Variants in LRRC4C observed in about 807,000 individuals in gnomAD.
LRRC4C encodes leucine rich repeat containing 4C, also known as leucine-rich repeat-containing protein 4C.
Under a neutral mutation model 33.6 loss-of-function variants are expected in LRRC4C, and 5 were observed. The ratio of observed to expected loss-of-function variants is 0.15; its 90% CI spans 0.08 to 0.31. The LOEUF (loss-of-function observed/expected upper bound fraction) is 0.31, where lower values mean the gene tolerates loss of function less well. LRRC4C is among the 10% of genes least tolerant of loss of function. The pLI, the probability that LRRC4C is intolerant of heterozygous loss-of-function variation, is 1.00. For missense variants in LRRC4C, 560 were observed against 796.7 expected (o/e 0.70, Z 3.58); for synonymous variants, 329 against 302.0 (o/e 1.09, Z -0.93).
At chr11:40,546,387 T>C (rs957160102) in intron 3 of LRRC4C, among the ~76,000 whole-genome samples, 6 of 152,068 alleles carry the variant, frequency 3.9e-5, no homozygotes, top group Non-Finnish European at 1.5e-5. Flanking sequence ...TCTGTATTAC[T>C]GTGGTCAAGT....
intron 2 of LRRC4C, among the ~76,000 whole-genome samples, chr11:40,684,451 C>A (rs949229810): frequency 2.0e-5 from 3 of 151,640 alleles, no homozygotes; most frequent in African/African-American, 7.3e-5. Context: ...GAGGTAAATG[C>A]ATAAAAGATA....
At chr11:40,829,310 T>C (rs1373945867) in intron 2 of LRRC4C, among the ~76,000 whole-genome samples, 1 of 151,994 alleles carries the variant, frequency 6.6e-6, no homozygotes, top group Non-Finnish European at 1.5e-5. Context: ...ATTGAAACAG[T>C]ATGGACACAT....
At chr11:40,679,737 G>T (rs754585402) in intron 2 of LRRC4C, among the ~76,000 whole-genome samples, 1 of 152,232 alleles carries the variant, frequency 6.6e-6, no homozygotes, top group Non-Finnish European at 1.5e-5. Flanking sequence ...TCAGATGTAT[G>T]AGGATGCCTG....
intron 3 of LRRC4C, among the ~76,000 whole-genome samples, chr11:40,507,871 C>T (rs1955115335): frequency 6.6e-6 from 1 of 151,794 alleles, no homozygotes; most frequent in East Asian, 1.9e-4. Flanking sequence ...TCCTGAGTAG[C>T]TGGGATTACA....
At chr11:40,686,720 G>A (rs910228665) in intron 2 of LRRC4C, among the ~76,000 whole-genome samples, 3 of 151,988 alleles carry the variant, frequency 2.0e-5, no homozygotes, top group Non-Finnish European at 4.4e-5. Flanking sequence ...CAAGAGCAGT[G>A]TTTCTCTAAT....
chr11:40,841,876 C>T (rs1160916039), intron 2 of LRRC4C, among the ~76,000 whole-genome samples: 1 of 152,180 alleles, frequency 6.6e-6, no homozygotes, highest in African/African-American at 2.4e-5. Flanking sequence ...CAACAGTTAA[C>T]TTAGGGCTTC....
At chr11:40,627,053 T>G (rs1047895703) in intron 3 of LRRC4C, among the ~76,000 whole-genome samples, 33 of 150,862 alleles carry the variant, frequency 2.2e-4, no homozygotes, top group African/African-American at 6.3e-4. Context: ...ATTTCCTTTT[T>G]TAAAAGCTGT....
Position 40,114,462 on chromosome 11 carries a change from CTGT to C in LRRC4C, c.1828_1830del (p.Thr610del), listed in dbSNP as rs762387489. The stretch of plus-strand genomic sequence containing the variant: ...CTGTGTATTGAATTTATTGTGTTAA[CTGT>C]TGTTGTGTGGTTGAAGGGAGATTTG... On this transcript the variant is annotated inframe_deletion, in exon 7 of 7. Transcript: ENST00000528697. The C allele has an allele frequency of 3.7e-6, 6 of 1,613,860 alleles. No individual in the cohort carries two copies. The highest frequency in any genetic ancestry group is 4.5e-5 in the East Asian group (2 of 44,874).
chr11:41,248,475 A>G (rs1439141178), intron 1 of LRRC4C, among the ~76,000 whole-genome samples: 1 of 152,094 alleles, frequency 6.6e-6, no homozygotes, highest in African/African-American at 2.4e-5. Context: ...TATCTTTAGA[A>G]TGCATTCTTC....
At chr11:40,254,380 C>A (rs1390594646) in intron 4 of LRRC4C, among the ~76,000 whole-genome samples, 2 of 152,158 alleles carry the variant, frequency 1.3e-5, no homozygotes, top group African/African-American at 4.8e-5. Context: ...TGTGGAGGGG[C>A]AGAATGATAA....
chr11:41,079,539 G>A (rs1442381527), intron 1 of LRRC4C, among the ~76,000 whole-genome samples: 2 of 152,094 alleles, frequency 1.3e-5, no homozygotes, highest in Non-Finnish European at 2.9e-5. Flanking sequence ...GCAAAAAGAT[G>A]TATTGCAATA....
chr11:40,495,813 G>GTTTTTTTTTTTTTTTTTTTT (rs77683172), intron 3 of LRRC4C, among the ~76,000 whole-genome samples: 6 of 67,012 alleles, frequency 9.0e-5, no homozygotes, highest in African/African-American at 1.3e-4. Flanking sequence ...CAATAAACAT[G>GTTTTTTTTTTTTTTTTTTTT]TTTTTTTTTT....
intron 1 of LRRC4C, among the ~76,000 whole-genome samples, chr11:41,141,698 C>T (rs1943514401): frequency 6.6e-6 from 1 of 152,088 alleles, no homozygotes; most frequent in African/African-American, 2.4e-5. Context: ...TCTCCTGCCA[C>T]CCTGTGAAGA....
intron 3 of LRRC4C, among the ~76,000 whole-genome samples, chr11:40,635,561 T>A (rs1027593058): frequency 6.6e-6 from 1 of 150,382 alleles, no homozygotes; most frequent in Non-Finnish European, 1.5e-5. Flanking sequence ...TCATAATCAG[T>A]AGGGGAAAAT....
intron 1 of LRRC4C, among the ~76,000 whole-genome samples, chr11:41,073,036 C>A (rs1444738677): frequency 6.6e-6 from 1 of 152,148 alleles, no homozygotes; most frequent in Non-Finnish European, 1.5e-5. Context: ...ATTGAGTGCA[C>A]AATCTGACAA....
chr11:40,521,745 T>C (rs143831168), intron 3 of LRRC4C, among the ~76,000 whole-genome samples: 9,807 of 152,080 alleles, frequency 0.064, 831 homozygotes, highest in African/African-American at 0.2. Flanking sequence ...GGTGTGCGCC[T>C]GTAGTCCCAG....
At chr11:40,968,234 A>G (rs2136956038) in intron 1 of LRRC4C, among the ~76,000 whole-genome samples, 1 of 152,258 alleles carries the variant, frequency 6.6e-6, no homozygotes. Flanking sequence ...AATTTCTTCA[A>G]TTCTATAAAG....
chr11:41,104,423 T>C (rs898982846), intron 1 of LRRC4C, among the ~76,000 whole-genome samples: 6 of 152,076 alleles, frequency 3.9e-5, no homozygotes, highest in South Asian at 2.1e-4. Context: ...TCAAAATTTA[T>C]ACCTACTAAG....
At chr11:41,248,162 TTAA>T (rs1281055284) in intron 1 of LRRC4C, among the ~76,000 whole-genome samples, 1 of 152,244 alleles carries the variant, frequency 6.6e-6, no homozygotes, top group Non-Finnish European at 1.5e-5. Flanking sequence ...TATTGATATC[TTAA>T]TAAACTAACA....
Sources: gnomAD v4.1 joint callset for allele counts (sites outside exome capture counted in the v4.1 genomes callset) on GRCh38, gnomAD v4.1.1 for gene constraint, MANE v1.5 for transcripts, NCBI Gene and HGNC (gene_info 2026-07-23, HGNC 2026-07-21) for gene names.